CCDC171: variants seen among roughly 807,000 people sequenced by gnomAD.
The protein encoded by CCDC171 is coiled-coil domain containing 171.
CCDC171 carries 177 observed loss-of-function variants against 168.2 expected under a neutral mutation model. The ratio of observed to expected loss-of-function variants is 1.05; its 90% CI spans 0.93 to 1.19. The LOEUF is 1.19. Among genes scored for constraint, CCDC171 ranks in the 50% most tolerant of loss-of-function variants. The pLI, the probability that CCDC171 is intolerant of heterozygous loss-of-function variation, is 0.00. For synonymous variants in CCDC171, 687 were observed against 540.8 expected (o/e 1.27, Z -3.75); for missense variants, 1,991 against 1,539.0 (o/e 1.29, Z -4.91).
chr9:15,845,653 G>A (rs1382826241), intron 21 of CCDC171: 1 of 151,960 alleles, frequency 6.6e-6, no homozygotes, highest in African/African-American at 2.4e-5. Flanking sequence ...TTGAAGCACA[G>A]TGTGGATGTT....
chr9:15,666,135 ATT>A lies in CCDC171; in HGVS notation c.916-26_916-25del. On this transcript the variant is annotated intron_variant, in intron 8 of 25. Coordinates refer to ENST00000380701, the MANE Select transcript of CCDC171 (RefSeq NM_173550.4). ...ATTGATGCTAGCATTTCTTAGCTTG[ATT>A]TAATTACTTGTCTGTCGTCCGGTAG... is the stretch of plus-strand genomic sequence containing the variant. 1.9e-6 allele frequency: 3 copies of A among 1,605,078 alleles called. No homozygotes were observed. In the South Asian group the frequency reaches 3.3e-5, roughly 18 times the overall value.
At chr9:15,808,709 A>G (rs2059185637) in intron 21 of CCDC171, among the ~76,000 whole-genome samples, 1 of 152,190 alleles carries the variant, frequency 6.6e-6, no homozygotes, top group Non-Finnish European at 1.5e-5. Context: ...AGCAGGTGAG[A>G]TGAAGAGGTC....
chr9:15,895,046 A>G (rs1212635618), intron 24 of CCDC171, among the ~76,000 whole-genome samples: 4 of 152,108 alleles, frequency 2.6e-5, no homozygotes, highest in African/African-American at 7.2e-5. Context: ...TAAGGAAAAA[A>G]GTAGGAGGTT....
intron 4 of CCDC171, among the ~76,000 whole-genome samples, chr9:15,589,815 G>A (rs1419500987): frequency 1.3e-5 from 2 of 151,994 alleles, no homozygotes; most frequent in African/African-American, 4.8e-5. Flanking sequence ...AAAAGACAGA[G>A]GTAGAAAAAT....
the CCDC171 span, among the ~76,000 whole-genome samples, chr9:16,103,397 C>T: frequency 1.3e-5 from 2 of 152,154 alleles, no homozygotes. Flanking sequence ...CTGTGCTTTC[C>T]TCTCACTGCC....
chr9:15,973,677 C>G lies in CCDC171; in HGVS notation c.*1841C>G, dbSNP rs549027049. 9.9e-5 allele frequency: 15 copies of G among 152,030 alleles called. No individual in the cohort carries two copies. Among genetic ancestry groups the G allele is most frequent in the Non-Finnish European group, 1.9e-4 (13 of 68,002 alleles). 9.4% of individuals were successfully genotyped at this position (152,030 alleles called of 1,614,324 possible). ...GCAAATTTATTATAACATGGAAGTG[C>G]TATTTATTGTTTTTATACAGATCAT... On this transcript the variant is annotated 3_prime_UTR_variant, in exon 26 of 26. Transcript: ENST00000380701.
chr9:15,636,627 T>C (rs2046219043), intron 7 of CCDC171, among the ~76,000 whole-genome samples: 1 of 151,608 alleles, frequency 6.6e-6, no homozygotes, highest in Non-Finnish European at 1.5e-5. Context: ...AATGTGCCTG[T>C]AGTCCCAGCT....
At chr9:16,004,513 G>A (rs900305229) in intron 3 of CCDC171, among the ~76,000 whole-genome samples, 5 of 152,276 alleles carry the variant, frequency 3.3e-5, no homozygotes, top group Middle Eastern at 3.4e-3. Flanking sequence ...CCTCAACCTT[G>A]CATTGATTTT....
chr9:15,695,920 A>G (rs1588011912), intron 11 of CCDC171, among the ~76,000 whole-genome samples: 3 of 152,322 alleles, frequency 2.0e-5, no homozygotes, highest in Admixed American at 2.0e-4. Context: ...AGGTAGACAT[A>G]TTTTGAGAAC....
Position 16,003,856 on chromosome 9 carries a change from C to T in CCDC171, n.369-16733C>T, listed in dbSNP as rs989685677. ...TGCTCATATTTCAACCTCCAAAATG[C>T]ACTTTGCTAAAATGTTTGCTGTGGA... On this transcript the variant is annotated intron_variant and non_coding_transcript_variant, in intron 3 of 9. Transcript: ENST00000486641. Among the ~76,000 whole-genome samples the T allele has an allele frequency of 5.9e-5, 9 of 152,274 alleles. No homozygotes were observed. In the South Asian group the frequency reaches 1.2e-3, roughly 21 times the overall value.
At chr9:15,925,821 C>A (rs756903925) in intron 25 of CCDC171, among the ~76,000 whole-genome samples, 1 of 151,674 alleles carries the variant, frequency 6.6e-6, no homozygotes, top group Non-Finnish European at 1.5e-5. Context: ...ATAGGTAGTA[C>A]TTTGTACCAT....
chr9:15,628,591 A>T (rs373808711), intron 7 of CCDC171, among the ~76,000 whole-genome samples: 1 of 152,226 alleles, frequency 6.6e-6, no homozygotes, highest in South Asian at 2.1e-4. Context: ...GGCTCCACCT[A>T]TGGGGGCAGG....
chr9:15,631,480 T>C (rs994536421), intron 7 of CCDC171, among the ~76,000 whole-genome samples: 7 of 152,170 alleles, frequency 4.6e-5, no homozygotes, highest in Admixed American at 1.3e-4. Flanking sequence ...AGGAAGAAGT[T>C]GACCTTCTGA....
chr9:16,067,885 G>A, the CCDC171 span, among the ~76,000 whole-genome samples: 6 of 152,200 alleles, frequency 3.9e-5, no homozygotes, highest in African/African-American at 1.4e-4. Context: ...ATAGTTTGAA[G>A]TCAGGTAGTG....
chr9:15,979,517 A>C (rs1032518967), intron 3 of CCDC171, among the ~76,000 whole-genome samples: 5 of 152,106 alleles, frequency 3.3e-5, no homozygotes, highest in South Asian at 2.1e-4. Context: ...TCAATTTGTC[A>C]AATATTTTTT....
intron 25 of CCDC171, among the ~76,000 whole-genome samples, chr9:15,937,893 A>G (rs1827284016): frequency 6.6e-6 from 1 of 151,964 alleles, no homozygotes; most frequent in South Asian, 2.1e-4. Context: ...TGTCCAAGTT[A>G]AGAGTTAATA....
intron 1 of CCDC171, among the ~76,000 whole-genome samples, chr9:16,056,792 C>T (rs1410191187): frequency 6.6e-6 from 1 of 152,014 alleles, no homozygotes; most frequent in East Asian, 1.9e-4. Context: ...CCGGCCCTAA[C>T]AGTGAAGTTT....
chr9:16,015,455 G>A (rs1303588341), intron 3 of CCDC171, among the ~76,000 whole-genome samples: 1 of 152,052 alleles, frequency 6.6e-6, no homozygotes, highest in Non-Finnish European at 1.5e-5. Context: ...GACTACTACT[G>A]TTATTATTGT....
At position 15,716,504 on chromosome 9, in the gene CCDC171, G is replaced by A. The variant is rs117995467; in HGVS notation, c.1319-5265G>A. Among the ~76,000 whole-genome samples, 428 of 152,080 alleles carry A rather than the reference G, an allele frequency of 2.8e-3. 1 individual carries two copies. Among genetic ancestry groups the A allele is most frequent in the Non-Finnish European group, 4.9e-3 (332 of 67,992 alleles). On this transcript the variant is annotated intron_variant, in intron 11 of 25. Coordinates refer to ENST00000380701, the MANE Select transcript of CCDC171 (RefSeq NM_173550.4). ...TTTTGTCAGGTTAAGGGACCAGTAA[G>A]TGTTTCTTTTTTATAATAAATTTGG... is the stretch of plus-strand genomic sequence containing the variant.
Sources: allele counts gnomAD v4.1 joint callset (sites outside exome capture counted in the v4.1 genomes callset), GRCh38; gene constraint gnomAD v4.1.1; transcripts MANE v1.5; gene names NCBI Gene and HGNC (gene_info 2026-07-23, HGNC 2026-07-21).